Variants in SPIDR observed in about 807,000 individuals in gnomAD.
SPIDR encodes the protein scaffold protein involved in DNA repair.
SPIDR carries 93 observed loss-of-function variants against 104.6 expected under a neutral mutation model. The observed-to-expected ratio is 0.89, with a 90% CI of 0.75 to 1.06. The LOEUF is 1.06. SPIDR is among the 50% of genes least tolerant of loss of function. The probability of loss-of-function intolerance (pLI) is 0.00; values close to 1 mark genes in which losing one functional copy is unlikely to be tolerated. For missense variants in SPIDR, 1,154 were observed against 1,111.2 expected, an observed-to-expected ratio of 1.04 and a Z score of -0.55; for synonymous variants, 431 against 416.9, an observed-to-expected ratio of 1.03 and a Z score of -0.41.
At chr8:47,528,664 C>T (rs2085408517) in intron 8 of SPIDR, among the ~76,000 whole-genome samples, 2 of 151,868 alleles carry the variant, frequency 1.3e-5, no homozygotes, top group African/African-American at 2.4e-5. Context: ...GTGAAGAATG[C>T]CTTCGATGGG....
At chr8:47,662,952 C>T (rs1241344031) in intron 10 of SPIDR, among the ~76,000 whole-genome samples, 1 of 152,228 alleles carries the variant, frequency 6.6e-6, no homozygotes, top group African/African-American at 2.4e-5. Context: ...GACTTCCCAG[C>T]CTCCAGAACT....
intron 4 of SPIDR, among the ~76,000 whole-genome samples, chr8:47,292,597 T>C (rs1440957294): frequency 2.0e-5 from 3 of 152,196 alleles, no homozygotes; most frequent in African/African-American, 7.2e-5. Context: ...TTATAACTTT[T>C]GGAAAATCTC....
intron 2 of SPIDR, among the ~76,000 whole-genome samples, chr8:47,281,774 T>C (rs1396285722): frequency 2.6e-5 from 4 of 152,248 alleles, no homozygotes; most frequent in Non-Finnish European, 5.9e-5. Flanking sequence ...ATTTTGACCT[T>C]CTGTCATGAA....
intron 5 of SPIDR, among the ~76,000 whole-genome samples, chr8:47,381,832 T>C (rs1554645592): frequency 6.6e-6 from 1 of 152,242 alleles, no homozygotes. Context: ...CTTGAGACTT[T>C]TGTTTTTGCA....
intron 16 of SPIDR, among the ~76,000 whole-genome samples, chr8:47,715,626 A>G (rs1589460498): frequency 6.6e-6 from 1 of 152,220 alleles, no homozygotes; most frequent in Admixed American, 6.5e-5. Flanking sequence ...GCATCTTTCA[A>G]TCAGCATAAA....
intron 10 of SPIDR, among the ~76,000 whole-genome samples, chr8:47,640,419 G>T (rs1243068892): frequency 6.6e-6 from 1 of 152,112 alleles, no homozygotes; most frequent in Non-Finnish European, 1.5e-5. Context: ...AAAAACATAT[G>T]ATCAAAGCAG....
intron 1 of SPIDR, among the ~76,000 whole-genome samples, chr8:47,263,481 C>G (rs982574437): frequency 6.6e-6 from 1 of 152,020 alleles, no homozygotes; most frequent in African/African-American, 2.4e-5. Flanking sequence ...CCACACCGGG[C>G]TAATTTTTTT....
chr8:47,613,854 C>CTTATT (rs769978998), intron 10 of SPIDR, among the ~76,000 whole-genome samples: 29 of 152,076 alleles, frequency 1.9e-4, no homozygotes, highest in African/African-American at 4.6e-4. Context: ...TAAGAGTTTT[C>CTTATT]TTATTTTATT....
At chr8:47,418,227 T>G (rs546860440) in intron 7 of SPIDR, among the ~76,000 whole-genome samples, 1 of 152,216 alleles carries the variant, frequency 6.6e-6, no homozygotes, top group Non-Finnish European at 1.5e-5. Context: ...ATGCCCATTT[T>G]CCCAATATTG....
chr8:47,403,190 A>T (rs1165481877), intron 6 of SPIDR, among the ~76,000 whole-genome samples: 1 of 152,164 alleles, frequency 6.6e-6, no homozygotes, highest in African/African-American at 2.4e-5. Context: ...AATTAGGTAT[A>T]TATCGGACAT....
intron 8 of SPIDR, among the ~76,000 whole-genome samples, chr8:47,552,447 G>C (rs1273899286): frequency 6.6e-6 from 1 of 152,166 alleles, no homozygotes; most frequent in Non-Finnish European, 1.5e-5. Flanking sequence ...TTATGAATCT[G>C]GGTGCTCCTG....
At chr8:47,631,954 T>C (rs1250251504) in intron 10 of SPIDR, among the ~76,000 whole-genome samples, 1 of 152,110 alleles carries the variant, frequency 6.6e-6, no homozygotes, top group Non-Finnish European at 1.5e-5. Context: ...CTTGAAGACA[T>C]AGAACTGAAT....
intron 7 of SPIDR, among the ~76,000 whole-genome samples, chr8:47,430,506 C>CT (rs34503634): frequency 0.49 from 74,695 of 152,024 alleles, 22,417 homozygotes; most frequent in East Asian, 0.67. Flanking sequence ...GCGCTGGACT[C>CT]TGTCAGTTCA....
chr8:47,511,048 A>C (rs753015951), intron 8 of SPIDR: 30 of 895,294 alleles, frequency 3.4e-5, no homozygotes, highest in Non-Finnish European at 4.9e-5. Flanking sequence ...TCACCACTGC[A>C]TGATGGCAGC....
At chr8:47,698,212 CT>C (rs1214472210) in intron 11 of SPIDR, among the ~76,000 whole-genome samples, 2 of 151,832 alleles carry the variant, frequency 1.3e-5, no homozygotes, top group Non-Finnish European at 1.5e-5. Flanking sequence ...GGCCACTCCC[CT>C]GTCAGACTGT....
intron 5 of SPIDR, among the ~76,000 whole-genome samples, chr8:47,362,010 C>T (rs922179114): frequency 2.0e-5 from 3 of 152,186 alleles, no homozygotes; most frequent in African/African-American, 4.8e-5. Context: ...AGGTAGACCT[C>T]GAAGTATCCA....
At chr8:47,453,335 A>G (rs1333278544) in intron 8 of SPIDR, among the ~76,000 whole-genome samples, 4 of 152,214 alleles carry the variant, frequency 2.6e-5, no homozygotes, top group South Asian at 2.1e-4. Flanking sequence ...CGAGCTATGA[A>G]TGACTTTCTT....
chr8:47,621,308 C>T (rs1169503986), intron 10 of SPIDR, among the ~76,000 whole-genome samples: 1 of 152,246 alleles, frequency 6.6e-6, no homozygotes, highest in Non-Finnish European at 1.5e-5. Context: ...TCACCACTAT[C>T]TAATTCCAAA....
chr8:47,266,907 C>T (rs1263502910), intron 1 of SPIDR, among the ~76,000 whole-genome samples: 1 of 152,188 alleles, frequency 6.6e-6, no homozygotes, highest in Non-Finnish European at 1.5e-5. Flanking sequence ...ATTCTCTCTT[C>T]CCTCATCCAT....
Sources: allele counts gnomAD v4.1 joint callset (sites outside exome capture counted in the v4.1 genomes callset), GRCh38; gene constraint gnomAD v4.1.1; transcripts MANE v1.5; gene names NCBI Gene and HGNC (gene_info 2026-07-23, HGNC 2026-07-21).